PPP2R5C: variants seen among roughly 807,000 people sequenced by gnomAD.
PPP2R5C encodes serine/threonine-protein phosphatase 2A 56 kDa regulatory subunit gamma isoform.
PPP2R5C carries 7 observed loss-of-function variants against 68.9 expected under a neutral mutation model. The observed-to-expected ratio is 0.10, with a 90% confidence interval of 0.06 to 0.19. The LOEUF is 0.19. Ranked by LOEUF, PPP2R5C falls within the 10% of genes least tolerant of loss-of-function variation. The probability of loss-of-function intolerance (pLI) is 1.00; values close to 1 mark genes in which losing one functional copy is unlikely to be tolerated. For synonymous variants in PPP2R5C, 210 were observed against 222.2 expected (o/e 0.95, Z 0.49); for missense variants, 348 against 641.3 (o/e 0.54, Z 4.94).
At chr14:101,772,930 C>T (rs928369564) in intron 2 of PPP2R5C, among the ~76,000 whole-genome samples, 1 of 152,206 alleles carries the variant, frequency 6.6e-6, no homozygotes, top group Non-Finnish European at 1.5e-5. Context: ...CTGTCCAGAA[C>T]ACGGAAGCTG....
At chr14:101,925,665 A>T (rs2047260050) in exon 14 of PPP2R5C, 1 of 158,484 alleles carries the variant, frequency 6.3e-6, no homozygotes, top group African/African-American at 2.4e-5. Flanking sequence ...GGAACGCTTT[A>T]AAAAATAGGA....
At chr14:101,902,249 C>G (rs1566955031) in intron 9 of PPP2R5C, among the ~76,000 whole-genome samples, 1 of 152,260 alleles carries the variant, frequency 6.6e-6, no homozygotes, top group African/African-American at 2.4e-5. Context: ...CTGAGATGCT[C>G]TTGCTGCCGA....
intron 9 of PPP2R5C, among the ~76,000 whole-genome samples, chr14:101,905,892 G>A (rs1285280543): frequency 6.6e-6 from 1 of 152,094 alleles, no homozygotes; most frequent in Non-Finnish European, 1.5e-5. Flanking sequence ...ACGCACCGCC[G>A]CTGCCTGTTC....
At chr14:101,854,474 T>C (rs1185979039) in intron 1 of PPP2R5C, among the ~76,000 whole-genome samples, 1 of 152,192 alleles carries the variant, frequency 6.6e-6, no homozygotes, top group Non-Finnish European at 1.5e-5. Context: ...CACTAACAAG[T>C]GCCAGATGAC....
chr14:101,785,054 C>A (rs1010817836), intron 2 of PPP2R5C, among the ~76,000 whole-genome samples: 2 of 152,178 alleles, frequency 1.3e-5, no homozygotes, highest in Non-Finnish European at 2.9e-5. Flanking sequence ...TGCAGGTTGG[C>A]TGCAGGGGTG....
chr14:101,808,508 A>G (rs1679128924), upstream of PPP2R5C, among the ~76,000 whole-genome samples: 2 of 152,186 alleles, frequency 1.3e-5, no homozygotes, highest in Admixed American at 1.3e-4. Flanking sequence ...GATACACACA[A>G]TAAAAGCTAC....
At chr14:101,881,207 G>A (rs1418848791) in intron 2 of PPP2R5C, among the ~76,000 whole-genome samples, 3 of 152,010 alleles carry the variant, frequency 2.0e-5, no homozygotes, top group African/African-American at 4.8e-5. Flanking sequence ...TGGCCAACAT[G>A]GTGAAACCGT....
intron 1 of PPP2R5C, among the ~76,000 whole-genome samples, chr14:101,811,356 G>T (rs1298924647): frequency 6.6e-6 from 1 of 151,984 alleles, no homozygotes; most frequent in East Asian, 1.9e-4. Context: ...TTTGTTTTTT[G>T]GGAGACAGGG....
chr14:101,865,319 G>A (rs190495276), intron 2 of PPP2R5C, among the ~76,000 whole-genome samples: 16 of 152,300 alleles, frequency 1.1e-4, no homozygotes, highest in South Asian at 2.1e-4. Context: ...CCATGTCCCC[G>A]CTCTCTGTAT....
At chr14:101,816,895 TATAA>T (rs1369300915) in intron 1 of PPP2R5C, among the ~76,000 whole-genome samples, 1 of 126,196 alleles carries the variant, frequency 7.9e-6, no homozygotes, top group Non-Finnish European at 1.6e-5. Flanking sequence ...ATATATATTA[TATAA>T]ATATATATAT....
chr14:101,769,905 G>C (rs1375497295), intron 2 of PPP2R5C, among the ~76,000 whole-genome samples: 1 of 152,204 alleles, frequency 6.6e-6, no homozygotes, highest in Non-Finnish European at 1.5e-5. Flanking sequence ...TTGTAAACAT[G>C]ATGGCATGTG....
At chr14:101,875,009 G>A (rs926864930) in intron 2 of PPP2R5C, among the ~76,000 whole-genome samples, 4 of 152,118 alleles carry the variant, frequency 2.6e-5, no homozygotes, top group African/African-American at 4.8e-5. Context: ...CAAAGTGCTG[G>A]GATTACAGGG....
chr14:101,899,233 T>C lies in PPP2R5C; in HGVS notation c.853-2486T>C, dbSNP rs1351236482. On this transcript the variant is annotated intron_variant, in intron 8 of 13. Transcript: ENST00000334743. The surrounding 1 kb of genome is among the most constrained non-coding windows in gnomAD (Gnocchi z 4.2). Reference sequence around the variant, plus strand: ...TGTGTTCCGTTTTCACCCACCTGCCTCTTCAGTCTCATCACATTTTACTAC... The same window carrying C: ...TGTGTTCCGTTTTCACCCACCTGCCCCTTCAGTCTCATCACATTTTACTAC... Among the ~76,000 whole-genome samples the C allele has an allele frequency of 6.6e-6, 1 of 152,238 alleles. No individual in the cohort carries two copies. Among genetic ancestry groups the C allele is most frequent in the Non-Finnish European group, 1.5e-5 (1 of 68,034 alleles).
intron 2 of PPP2R5C, among the ~76,000 whole-genome samples, chr14:101,861,915 G>A (rs909926148): frequency 6.6e-6 from 1 of 152,162 alleles, no homozygotes; most frequent in Non-Finnish European, 1.5e-5. Context: ...GGGAAGTTTT[G>A]TTTCATTTTG....
chr14:101,887,054 T>C (rs1359777554), intron 5 of PPP2R5C, among the ~76,000 whole-genome samples: 4 of 152,214 alleles, frequency 2.6e-5, no homozygotes, highest in African/African-American at 9.6e-5. Flanking sequence ...AAGTTCAATA[T>C]AGAACAGCTG....
At position 101,835,431 on chromosome 14, in the gene PPP2R5C, G is replaced by A. The variant is rs1248815225; in HGVS notation, c.95-21255G>A. On this transcript the variant is annotated intron_variant, in intron 1 of 13. Transcript: ENST00000334743. This position sits in a 1 kb window ranked among gnomAD's most constrained non-coding sequence, Gnocchi z 5.0. The stretch of plus-strand genomic sequence containing the variant: ...GGAATGTTGATGATTCAGGTATTTG[G>A]TTGGTGATCATGTTATCAAGTCAGA... 6.6e-6 allele frequency among the ~76,000 whole-genome samples: 1 copy of A among 152,214 alleles called. No individual in the cohort carries two copies. Among genetic ancestry groups the A allele is most frequent in the Non-Finnish European group, 1.5e-5 (1 of 68,044 alleles).
chr14:101,781,980 T>C lies in PPP2R5C; in HGVS notation c.94-4038T>C, dbSNP rs1212963060. Among the ~76,000 whole-genome samples the C allele has an allele frequency of 8.0e-5, 12 of 150,422 alleles. No individual in the cohort carries two copies. Among genetic ancestry groups the C allele is most frequent in the Non-Finnish European group, 1.6e-4 (11 of 67,416 alleles). On this transcript the variant is annotated intron_variant, in intron 2 of 14. Transcript: ENST00000328724. The surrounding 1 kb of genome is among the most constrained non-coding windows in gnomAD (Gnocchi z 6.4). ...GCTCCCAAGGGAGCCCCTCGCCCTCTCTCTCTCCTTCCCTCATTCCCTTCA... is the reference window on the plus strand; with the variant it reads ...GCTCCCAAGGGAGCCCCTCGCCCTCCCTCTCTCCTTCCCTCATTCCCTTCA...
chr14:101,793,187 A>G (rs1201426871), intron 3 of PPP2R5C, among the ~76,000 whole-genome samples: 3 of 152,124 alleles, frequency 2.0e-5, no homozygotes, highest in East Asian at 3.9e-4. Flanking sequence ...CAAATCAGCT[A>G]TTTTTCAAAG....
At chr14:101,895,186 T>C (rs924716946) in intron 8 of PPP2R5C, among the ~76,000 whole-genome samples, 2 of 152,200 alleles carry the variant, frequency 1.3e-5, no homozygotes, top group African/African-American at 4.8e-5. Flanking sequence ...AGGTGCCAGT[T>C]TAAGCATTTA....
Sources: gnomAD v4.1 joint callset for allele counts (sites outside exome capture counted in the v4.1 genomes callset) on GRCh38, gnomAD v4.1.1 for gene constraint, Gnocchi (gnomAD v3.1) non-coding constraint, MANE v1.5 for transcripts, NCBI Gene and HGNC (gene_info 2026-07-23, HGNC 2026-07-21) for gene names.